Variants in SORCS3 observed in about 807,000 individuals in gnomAD.
SORCS3 encodes the protein VPS10 domain-containing receptor SorCS3.
SORCS3 carries 57 observed loss-of-function variants against 146.3 expected under a neutral mutation model. The observed-to-expected ratio is 0.39, with a 90% CI of 0.31 to 0.49. The LOEUF is 0.49. SORCS3 is among the 20% of genes least tolerant of loss of function. The pLI is 0.92. For synonymous variants in SORCS3, 653 were observed against 618.5 expected (o/e 1.06, Z -0.83); for missense variants, 1,341 against 1,575.5 (o/e 0.85, Z 2.52).
intron 14 of SORCS3, among the ~76,000 whole-genome samples, chr10:105,178,403 G>C (rs1589674675): frequency 6.6e-6 from 1 of 152,154 alleles, no homozygotes; most frequent in Non-Finnish European, 1.5e-5. Context: ...GTTTCTAATA[G>C]AATTTAAAGA....
intron 5 of SORCS3, among the ~76,000 whole-genome samples, chr10:105,079,460 A>G (rs1301796606): frequency 6.6e-6 from 1 of 152,174 alleles, no homozygotes; most frequent in East Asian, 1.9e-4. Flanking sequence ...AAAGGAGGAG[A>G]AAGTTTGTGA....
intron 1 of SORCS3, among the ~76,000 whole-genome samples, chr10:104,841,079 A>G (rs912649356): frequency 7.2e-5 from 11 of 152,092 alleles, no homozygotes; most frequent in African/African-American, 2.2e-4. Flanking sequence ...TGTGTATACC[A>G]TATATACTGA....
In SORCS3 at chr10:104,875,410, T is replaced by G. The variant is rs150454450; in HGVS notation, c.695+32551T>G. On this transcript the variant is annotated intron_variant, in intron 2 of 26. Coordinates refer to ENST00000369701, the MANE Select transcript of SORCS3 (RefSeq NM_014978.3). Reference sequence around the variant, plus strand: ...GTGACCATGGACAAGTTACTTGTCTTAGCTTCAATTTTCTCATCTGCACAA... The same window carrying G: ...GTGACCATGGACAAGTTACTTGTCTGAGCTTCAATTTTCTCATCTGCACAA... Among the ~76,000 whole-genome samples the G allele has an allele frequency of 1.6e-3, 250 of 152,314 alleles. 1 individual carries two copies. The highest frequency in any genetic ancestry group is 0.01 in the Middle Eastern group (3 of 294).
chr10:105,253,289 GT>G (rs1193642021), intron 23 of SORCS3, among the ~76,000 whole-genome samples: 1 of 152,168 alleles, frequency 6.6e-6, no homozygotes, highest in Non-Finnish European at 1.5e-5. Context: ...TGTGCCTCTT[GT>G]CTTTAAACTG....
intron 1 of SORCS3, among the ~76,000 whole-genome samples, chr10:104,789,180 TA>T (rs2133498759): frequency 1.3e-5 from 2 of 152,270 alleles, no homozygotes; most frequent in South Asian, 4.1e-4. Context: ...CTTAAAAAAA[TA>T]CCTGCAGTTC....
At chr10:105,110,746 T>C (rs1304501171) in intron 7 of SORCS3, among the ~76,000 whole-genome samples, 2 of 152,154 alleles carry the variant, frequency 1.3e-5, no homozygotes, top group African/African-American at 4.8e-5. Context: ...CCCTTTCTTA[T>C]TTTTCTTATT....
chr10:104,654,739 T>C (rs1470704218), intron 1 of SORCS3, among the ~76,000 whole-genome samples: 1 of 152,228 alleles, frequency 6.6e-6, no homozygotes, highest in African/African-American at 2.4e-5. Context: ...TGTCTCCCCT[T>C]CTACTCATGG....
chr10:104,684,834 A>G (rs796796848), intron 1 of SORCS3, among the ~76,000 whole-genome samples: 2 of 63,672 alleles, frequency 3.1e-5, no homozygotes, highest in Non-Finnish European at 5.5e-5. Flanking sequence ...TTTTTTTTTT[A>G]TGAGACACAG....
intron 1 of SORCS3, among the ~76,000 whole-genome samples, chr10:104,803,139 T>C (rs1210190417): frequency 1.3e-5 from 2 of 152,192 alleles, no homozygotes; most frequent in African/African-American, 2.4e-5. Flanking sequence ...AGAAATTGCA[T>C]GTGTCACTTT....
intron 4 of SORCS3, among the ~76,000 whole-genome samples, chr10:104,991,345 C>A (rs1040429143): frequency 4.6e-5 from 7 of 152,012 alleles, no homozygotes; most frequent in African/African-American, 1.4e-4. Flanking sequence ...TTTCTGAGAT[C>A]AAGGTGTTGG....
chr10:104,741,312 T>C (rs1021361), intron 1 of SORCS3, among the ~76,000 whole-genome samples: 121,870 of 151,614 alleles, frequency 0.8, 49,270 homozygotes, highest in East Asian at 0.94. Context: ...TGCTGACATT[T>C]GTTGCCCAAC....
chr10:105,083,732 A>T (rs1195540047), intron 5 of SORCS3, among the ~76,000 whole-genome samples: 1 of 152,114 alleles, frequency 6.6e-6, no homozygotes, highest in Non-Finnish European at 1.5e-5. Context: ...CTTACCAATT[A>T]CCTTCAATAT....
In SORCS3 at chr10:104,755,145, G is replaced by A. The variant is rs528877034; in HGVS notation, c.628-87647G>A. On this transcript the variant is annotated intron_variant, in intron 1 of 26. Coordinates refer to ENST00000369701, the MANE Select transcript of SORCS3 (RefSeq NM_014978.3). ...TTGTAATAGGGAGGAGAGGAGGCAG[G>A]CAGAGGATAGATTTTGTTTGGAATT... Among the ~76,000 whole-genome samples the A allele has an allele frequency of 8.5e-5, 13 of 152,276 alleles. No homozygotes were observed. In the South Asian group the frequency reaches 2.1e-3, roughly 24 times the overall value.
intron 17 of SORCS3, among the ~76,000 whole-genome samples, chr10:105,212,863 A>C (rs1277768798): frequency 1.3e-5 from 2 of 152,226 alleles, no homozygotes; most frequent in Non-Finnish European, 2.9e-5. Context: ...GAGAAAGTAT[A>C]AATTGATTAC....
At chr10:104,965,396 A>C (rs930967493) in intron 3 of SORCS3, among the ~76,000 whole-genome samples, 18 of 152,182 alleles carry the variant, frequency 1.2e-4, no homozygotes, top group Admixed American at 5.9e-4. Flanking sequence ...ATCAATTGCA[A>C]TTGACACAGC....
chr10:104,955,527 T>A (rs1471732681), intron 3 of SORCS3, among the ~76,000 whole-genome samples: 4 of 152,226 alleles, frequency 2.6e-5, no homozygotes. Flanking sequence ...CCTTTGGGTA[T>A]ATACTTAGGA....
intron 1 of SORCS3, among the ~76,000 whole-genome samples, chr10:104,795,182 A>G (rs1197097449): frequency 6.6e-6 from 1 of 152,224 alleles, no homozygotes; most frequent in Non-Finnish European, 1.5e-5. Flanking sequence ...ATTTCAATAA[A>G]TACTCGGGTA....
intron 6 of SORCS3, among the ~76,000 whole-genome samples, chr10:105,093,627 T>C (rs1456266893): frequency 1.3e-5 from 2 of 152,108 alleles, no homozygotes; most frequent in Non-Finnish European, 2.9e-5. Flanking sequence ...AATAAACACA[T>C]GAAACAGTGC....
intron 1 of SORCS3, among the ~76,000 whole-genome samples, chr10:104,759,448 G>A (rs1037438937): frequency 2.4e-4 from 37 of 152,122 alleles, no homozygotes; most frequent in African/African-American, 8.7e-4. Flanking sequence ...CCTGGGGAGG[G>A]GACATGACTG....
Sources: allele counts gnomAD v4.1 joint callset (sites outside exome capture counted in the v4.1 genomes callset), GRCh38; gene constraint gnomAD v4.1.1; transcripts MANE v1.5; gene names NCBI Gene and HGNC (gene_info 2026-07-23, HGNC 2026-07-21).